The following RAF1 variants were observed in gnomAD, a reference collection of about 807,000 sequenced individuals.
The protein encoded by RAF1 is RAF proto-oncogene serine/threonine-protein kinase.
In RAF1, 27 loss-of-function variants were observed where a neutral mutation model predicts 81.1. That is an observed-to-expected ratio of 0.33 (90% CI 0.25 to 0.46). RAF1 has a LOEUF of 0.46. Among genes scored for constraint, RAF1 ranks in the 20% least tolerant of loss-of-function variants. The pLI is 1.00. For missense variants in RAF1, 598 were observed against 826.0 expected (o/e 0.72, Z 3.38); for synonymous variants, 298 against 294.0 (o/e 1.01, Z -0.14).
chr3:12,655,365 C>A (rs1430436166), intron 1 of RAF1, among the ~76,000 whole-genome samples: 1 of 152,180 alleles, frequency 6.6e-6, no homozygotes, highest in Non-Finnish European at 1.5e-5. Flanking sequence ...GGATTACAGG[C>A]ATGAGCCACC....
rs923258608 is a variant in RAF1, at chr3:12,663,876, C to A, written c.-90G>T. Reference sequence around the variant, plus strand: ...CGGCAGCTTCTCGCCCGCTCCTCCTCCCCGCGGCGGGTGAGGGAGCGGGAG... The same window carrying A: ...CGGCAGCTTCTCGCCCGCTCCTCCTACCCGCGGCGGGTGAGGGAGCGGGAG... On this transcript the variant is annotated 5_prime_UTR_variant, in exon 1 of 18. Transcript: ENST00000442415. 2 of 397,978 alleles carry A rather than the reference C, an allele frequency of 5.0e-6. No homozygotes were observed. The highest frequency in any genetic ancestry group is 8.9e-6 in the Non-Finnish European group (2 of 225,678). The allele number at this position is 397,978 out of a possible 1,614,324, so 24.7% of individuals were successfully genotyped here.
At chr3:12,586,003 G>A in intron 14 of RAF1, 4 of 559,282 alleles carry the variant, frequency 7.2e-6, no homozygotes, top group South Asian at 5.9e-5. Context: ...ATTGGTCAAT[G>A]TGCCAGATTA....
chr3:12,655,621 A>G lies in RAF1; in HGVS notation c.-27+8192T>C, dbSNP rs560393438. 5.9e-5 allele frequency among the ~76,000 whole-genome samples: 9 copies of G among 152,292 alleles called. No individual in the cohort carries two copies. The East Asian group carries it at 1.3e-3, about 23-fold the overall frequency. On this transcript the variant is annotated intron_variant, in intron 1 of 17. Transcript: ENST00000442415. ...CAGGGGCTCCAACAGATATTTGTAC[A>G]CCAATGTTCACTGCAGCATTATTTA...
rs2125347255 is a variant in RAF1, at chr3:12,591,728, C to T, written c.1233G>A (p.Arg411=). The T allele has an allele frequency of 6.2e-7, 1 of 1,614,162 alleles. No homozygotes were observed. The highest frequency in any genetic ancestry group is 1.1e-5 in the South Asian group (1 of 91,084). Residue 411 remains arginine, a synonymous_variant, in exon 12 of 18, where the codon AGG becomes AGA. Coordinates refer to ENST00000442415, the MANE Select transcript of RAF1 (RefSeq NM_001354689.3). Reference sequence around the variant, plus strand: ...CTCACCGCAGAACAGCCACCTCATTCCTGAAGGCCTGGAATTGCTCTGGGG... The same window carrying T: ...CTCACCGCAGAACAGCCACCTCATTTCTGAAGGCCTGGAATTGCTCTGGGG...
chr3:12,596,194 C>CTTT (rs10575214), intron 11 of RAF1, among the ~76,000 whole-genome samples: 1 of 117,290 alleles, frequency 8.5e-6, no homozygotes, highest in South Asian at 3.1e-4. Flanking sequence ...ATTTTTCTTT[C>CTTT]TTTTTTTTTT....
chr3:12,592,043 G>A (rs1169322555), intron 11 of RAF1: 2 of 543,214 alleles, frequency 3.7e-6, no homozygotes, highest in East Asian at 3.3e-5. Context: ...CTCCCAAAGT[G>A]CTGGGATTAT....
chr3:12,644,584 T>G (rs576377559), intron 1 of RAF1, among the ~76,000 whole-genome samples: 1 of 152,318 alleles, frequency 6.6e-6, no homozygotes, highest in Non-Finnish European at 1.5e-5. Context: ...TTTTGCCCTA[T>G]CCCTTGGCTC....
At chr3:12,662,664 C>T (rs10460973) in intron 1 of RAF1, among the ~76,000 whole-genome samples, 70,255 of 151,668 alleles carry the variant, frequency 0.46, 17,015 homozygotes, top group East Asian at 0.91. Context: ...TCCCACATGG[C>T]TCTAAGCCTT....
chr3:12,593,777 G>A lies in RAF1; in HGVS notation c.1169-1985C>T, dbSNP rs956796628. ...AGAAGGGGAGTTCCCCAAGATGGGG[G>A]AGTAAATCCTTTTTTTTTTTTTTTT... On this transcript the variant is annotated intron_variant, in intron 11 of 17. Transcript: ENST00000442415. Among the ~76,000 whole-genome samples the A allele has an allele frequency of 2.7e-5, 4 of 147,372 alleles. No homozygotes were observed. The East Asian group carries it at 5.9e-4, about 22-fold the overall frequency.
Position 12,659,427 on chromosome 3 carries a change from C to CAAAAAAAAAAAAAAAAAAAAAAA in RAF1, c.-27+4385_-27+4386insTTTTTTTTTTTTTTTTTTTTTTT, listed in dbSNP as rs71063859. Among the ~76,000 whole-genome samples, 4 of 47,674 alleles carry CAAAAAAAAAAAAAAAAAAAAAAA rather than the reference C, an allele frequency of 8.4e-5. 1 individual carries two copies. The highest frequency in any genetic ancestry group is 1.0e-4 in the Non-Finnish European group (3 of 28,694). The allele number at this position is 47,674 out of a possible 152,430, so 31.3% of individuals were successfully genotyped here. ...TGGGCAACAGCACCAGATTTCATCT[C>CAAAAAAAAAAAAAAAAAAAAAAA]AAAAAAAAAAAAAAAAAATTACACG... is the stretch of plus-strand genomic sequence containing the variant. On this transcript the variant is annotated intron_variant, in intron 1 of 17. Transcript: ENST00000442415.
chr3:12,595,530 C>T lies in RAF1; in HGVS notation c.1169-3738G>A, dbSNP rs550193964. 4.6e-5 allele frequency among the ~76,000 whole-genome samples: 7 copies of T among 152,144 alleles called. No individual in the cohort carries two copies. The South Asian group carries it at 1.4e-3, about 31-fold the overall frequency. Reference sequence around the variant, plus strand: ...CATTTAACCCAAATGATAGTCTTTACAGGACCCTAAAACACCCTACCACTG... The same window carrying T: ...CATTTAACCCAAATGATAGTCTTTATAGGACCCTAAAACACCCTACCACTG... On this transcript the variant is annotated intron_variant, in intron 11 of 17. Coordinates refer to ENST00000442415, the MANE Select transcript of RAF1 (RefSeq NM_001354689.3).
chr3:12,583,785 TAGAG>T lies in RAF1; in HGVS notation c.*725_*728del, dbSNP rs2058220423. 3 of 232,814 alleles carry T rather than the reference TAGAG, an allele frequency of 1.3e-5. No homozygotes were observed. The highest frequency in any genetic ancestry group is 2.5e-5 in the Non-Finnish European group (3 of 117,700). 14.4% of individuals were successfully genotyped at this position (232,814 alleles called of 1,614,324 possible). A position where few individuals can be genotyped will look rare whatever the true frequency, so the allele number is the denominator to read the frequency against. ...CAAGGCTGTTTGTTTGTTTGTTTGT[TAGAG>T]AAACAAGGCTGGCCCTGCGGCCCCG... On this transcript the variant is annotated 3_prime_UTR_variant, in exon 18 of 18. Transcript: ENST00000442415.
intron 11 of RAF1, chr3:12,592,081 A>C: frequency 2.2e-6 from 1 of 447,302 alleles, no homozygotes; most frequent in Non-Finnish European, 4.2e-6. Context: ...AATTCAAATG[A>C]CTCAAAAAAG....
intron 5 of RAF1, among the ~76,000 whole-genome samples, chr3:12,607,633 G>A (rs1356104244): frequency 1.3e-5 from 2 of 151,834 alleles, no homozygotes; most frequent in Non-Finnish European, 2.9e-5. Flanking sequence ...GGGAGACAGA[G>A]CGAGACCCTG....
chr3:12,600,039 T>C lies in RAF1; in HGVS notation c.1050+113A>G, dbSNP rs577590256. On this transcript the variant is annotated intron_variant, in intron 10 of 17. Coordinates refer to ENST00000442415, the MANE Select transcript of RAF1 (RefSeq NM_001354689.3). ...ACAGTAACATTTATAATCTCCTTCA[T>C]TGAATGTATTTTATTAGAATCTTCT... 31 of 1,493,590 alleles carry C rather than the reference T, an allele frequency of 2.1e-5. No individual in the cohort carries two copies. The African/African-American group carries it at 2.4e-4, about 11-fold the overall frequency. The allele number at this position is 1,493,590 out of a possible 1,614,324, so 92.5% of individuals were successfully genotyped here.
intron 1 of RAF1, among the ~76,000 whole-genome samples, chr3:12,649,562 G>T (rs1185885219): frequency 6.7e-6 from 1 of 150,022 alleles, no homozygotes; most frequent in Non-Finnish European, 1.5e-5. Context: ...TCGTGCCACT[G>T]CACTCCAGCA....
chr3:12,642,759 C>A (rs1365977738), intron 1 of RAF1, among the ~76,000 whole-genome samples: 1 of 148,186 alleles, frequency 6.7e-6, no homozygotes, highest in Non-Finnish European at 1.5e-5. Context: ...GTAGTCCCAG[C>A]TATTGGGGCA....
intron 2 of RAF1, 45 bp from the exon 3 acceptor site, chr3:12,612,107 C>G (rs749748081): frequency 6.7e-7 from 1 of 1,492,048 alleles, no homozygotes; most frequent in Non-Finnish European, 9.4e-7. Context: ...GGCTGCAGCA[C>G]CCCTTGGAAA....
At chr3:12,657,602 T>C (rs964451584) in intron 1 of RAF1, among the ~76,000 whole-genome samples, 8 of 151,932 alleles carry the variant, frequency 5.3e-5, no homozygotes, top group African/African-American at 1.5e-4. Flanking sequence ...AGAAACCCCA[T>C]CTCTACTAAA....
Sources: gnomAD v4.1 joint callset for allele counts (sites outside exome capture counted in the v4.1 genomes callset) on GRCh38, gnomAD v4.1.1 for gene constraint, MANE v1.5 for transcripts, NCBI Gene and HGNC (gene_info 2026-07-23, HGNC 2026-07-21) for gene names.